The following IRAK1BP1 variants were observed in gnomAD, a reference collection of about 807,000 sequenced individuals.
IRAK1BP1 encodes the protein interleukin-1 receptor-associated kinase 1-binding protein 1.
IRAK1BP1 carries 24 observed loss-of-function variants against 28.0 expected under a neutral mutation model. The observed-to-expected ratio is 0.86, with a 90% CI of 0.62 to 1.20. IRAK1BP1 has a LOEUF of 1.20. Ranked by LOEUF, IRAK1BP1 falls within the 50% of genes most tolerant of loss-of-function variation. The pLI, the probability that IRAK1BP1 is intolerant of heterozygous loss-of-function variation, is 0.00. For missense variants in IRAK1BP1, 336 were observed against 316.7 expected (o/e 1.06, Z -0.46); for synonymous variants, 131 against 116.3 (o/e 1.13, Z -0.81).
intron 1 of IRAK1BP1, among the ~76,000 whole-genome samples, chr6:78,869,471 G>C (rs901797818): frequency 3.9e-5 from 6 of 152,216 alleles, no homozygotes; most frequent in Non-Finnish European, 5.9e-5. Flanking sequence ...AGTGAGCCGA[G>C]ATGGTGCCAC....
intron 4 of IRAK1BP1, among the ~76,000 whole-genome samples, chr6:78,929,131 C>CTG (rs1435849385): frequency 1.3e-5 from 2 of 152,040 alleles, no homozygotes; most frequent in African/African-American, 4.8e-5. Context: ...TCAGTGAAGC[C>CTG]ATCAGGTGTC....
intron 1 of IRAK1BP1, chr6:78,871,543 T>TA (rs1770791653): frequency 2.0e-6 from 2 of 984,938 alleles, no homozygotes; most frequent in Non-Finnish European, 1.2e-6. Context: ...TCAAGGCATA[T>TA]AGTTCTTGCA....
chr6:78,929,567 T>C (rs562250216), intron 4 of IRAK1BP1, among the ~76,000 whole-genome samples: 1 of 152,266 alleles, frequency 6.6e-6, no homozygotes, highest in African/African-American at 2.4e-5. Context: ...GGGACAAGCA[T>C]TGAAAAACTA....
the IRAK1BP1 span, among the ~76,000 whole-genome samples, chr6:78,972,789 T>C: frequency 6.3e-4 from 96 of 151,802 alleles, 1 homozygote; most frequent in South Asian, 7.9e-3. Flanking sequence ...CAATGGAAGA[T>C]GAAATGAATG....
the IRAK1BP1 span, chr6:78,955,084 C>G: frequency 3.4e-6 from 3 of 893,810 alleles, no homozygotes; most frequent in Non-Finnish European, 4.9e-6. Flanking sequence ...AAAATATTCA[C>G]CAAGTTCTAA....
intron 4 of IRAK1BP1, among the ~76,000 whole-genome samples, chr6:78,926,349 T>C (rs1772890571): frequency 2.0e-5 from 3 of 152,296 alleles, no homozygotes; most frequent in Admixed American, 6.5e-5. Flanking sequence ...ATCATTCTAC[T>C]AAAAGACACA....
chr6:78,974,546 T>G, the IRAK1BP1 span, among the ~76,000 whole-genome samples: 12 of 151,286 alleles, frequency 7.9e-5, no homozygotes, highest in Non-Finnish European at 4.4e-5. Flanking sequence ...CTGAAGGAAA[T>G]AGAGACACAA....
chr6:78,949,996 C>T (rs138655812), downstream of IRAK1BP1, among the ~76,000 whole-genome samples: 55 of 152,040 alleles, frequency 3.6e-4, no homozygotes, highest in African/African-American at 9.9e-4. Flanking sequence ...GCCTGGGACT[C>T]GAGTATAATA....
At chr6:78,886,053 G>T (rs950915500) in intron 2 of IRAK1BP1, among the ~76,000 whole-genome samples, 2 of 152,094 alleles carry the variant, frequency 1.3e-5, no homozygotes, top group African/African-American at 4.8e-5. Flanking sequence ...AAACATTTTG[G>T]AGTACGTGCC....
the IRAK1BP1 span, chr6:78,961,615 A>G: frequency 6.8e-7 from 1 of 1,470,510 alleles, no homozygotes; most frequent in Non-Finnish European, 9.4e-7. Flanking sequence ...GTTGAGAAAC[A>G]CTGCTAAAGA....
At chr6:78,979,267 C>G in the IRAK1BP1 span, among the ~76,000 whole-genome samples, 2 of 151,978 alleles carry the variant, frequency 1.3e-5, no homozygotes, top group African/African-American at 4.8e-5. Context: ...ACAAAGAGAA[C>G]TAACTAGAAG....
At chr6:78,924,881 C>T (rs528048939) in intron 4 of IRAK1BP1, among the ~76,000 whole-genome samples, 104 of 152,158 alleles carry the variant, frequency 6.8e-4, no homozygotes, top group African/African-American at 2.1e-3. Flanking sequence ...ATGTTTATTG[C>T]GGCACTATTC....
rs1771995211 is a variant in IRAK1BP1, at chr6:78,898,707, A to G, written c.*373A>G. 1 of 151,926 alleles carries G rather than the reference A, an allele frequency of 6.6e-6. No homozygotes were observed. The highest frequency in any genetic ancestry group is 2.1e-4 in the South Asian group (1 of 4,810). The allele number at this position is 151,926 out of a possible 1,614,324, so 9.4% of individuals were successfully genotyped here. A position where few individuals can be genotyped will look rare whatever the true frequency, so the allele number is the denominator to read the frequency against. ...AAAATTTTCTCAGCCACATTTTTAT[A>G]TAAAACCAAATTTTATGTAAAAACT... On this transcript the variant is annotated 3_prime_UTR_variant, in exon 4 of 4. Transcript: ENST00000369940.
chr6:78,887,825 C>A (rs1051214357), intron 2 of IRAK1BP1, among the ~76,000 whole-genome samples: 2 of 152,104 alleles, frequency 1.3e-5, no homozygotes, highest in African/African-American at 2.4e-5. Flanking sequence ...AATAGAACTA[C>A]GATATGACCC....
intron 4 of IRAK1BP1, among the ~76,000 whole-genome samples, chr6:78,918,326 T>C (rs921573960): frequency 2.6e-5 from 4 of 151,888 alleles, no homozygotes; most frequent in Non-Finnish European, 5.9e-5. Flanking sequence ...AATATCAATA[T>C]TAACCCAGTA....
At chr6:78,961,024 A>G in the IRAK1BP1 span, among the ~76,000 whole-genome samples, 1 of 152,102 alleles carries the variant, frequency 6.6e-6, no homozygotes, top group Non-Finnish European at 1.5e-5. Flanking sequence ...ATTAAAACTA[A>G]AAACAGGATT....
intron 2 of IRAK1BP1, among the ~76,000 whole-genome samples, chr6:78,896,331 G>GAA (rs35774009): frequency 4.4e-4 from 41 of 93,070 alleles, no homozygotes; most frequent in African/African-American, 9.3e-4. Context: ...AACCTAAATG[G>GAA]AAAAAAAAAA....
exon 5 of IRAK1BP1, chr6:78,946,038 A>C: frequency 6.2e-7 from 1 of 1,611,294 alleles, no homozygotes; most frequent in Non-Finnish European, 8.5e-7. Context: ...TAGCTTTTGT[A>C]ATAAAAGTCT....
At chr6:78,928,565 G>A (rs1281529541) in intron 4 of IRAK1BP1, among the ~76,000 whole-genome samples, 1 of 152,070 alleles carries the variant, frequency 6.6e-6, no homozygotes, top group Non-Finnish European at 1.5e-5. Flanking sequence ...ATGTTGAATA[G>A]CAATGGTGAC....
Sources: allele counts gnomAD v4.1 joint callset (sites outside exome capture counted in the v4.1 genomes callset), GRCh38; gene constraint gnomAD v4.1.1; transcripts MANE v1.5; gene names NCBI Gene and HGNC (gene_info 2026-07-23, HGNC 2026-07-21).